The following SPIRE1 variants were observed in gnomAD, a reference collection of about 807,000 sequenced individuals.
SPIRE1 encodes spire type actin nucleation factor 1.
SPIRE1 carries 40 observed loss-of-function variants against 94.1 expected under a neutral mutation model. The observed-to-expected ratio is 0.43, with a 90% CI of 0.33 to 0.55. The LOEUF is 0.55. Ranked by LOEUF, SPIRE1 falls within the 20% of genes least tolerant of loss-of-function variation. The pLI is 0.06. For synonymous variants in SPIRE1, 376 were observed against 371.7 expected (o/e 1.01, Z -0.13); for missense variants, 838 against 975.2 (o/e 0.86, Z 1.87).
chr18:12,620,603 C>T (rs972773501), intron 2 of SPIRE1, among the ~76,000 whole-genome samples: 15 of 152,134 alleles, frequency 9.9e-5, no homozygotes, highest in Non-Finnish European at 1.3e-4. Flanking sequence ...GATATCCACA[C>T]ATAAAAGTAT....
At chr18:12,661,304 A>T (rs985378198), upstream of SPIRE1, 2 of 914,832 alleles carry the variant, frequency 2.2e-6, no homozygotes, top group Non-Finnish European at 2.6e-6. Flanking sequence ...GTGAGCCTTC[A>T]TCTCAAAAAA....
chr18:12,585,040 G>C (rs1204694853), intron 2 of SPIRE1, among the ~76,000 whole-genome samples: 1 of 152,054 alleles, frequency 6.6e-6, no homozygotes, highest in Non-Finnish European at 1.5e-5. Context: ...TCTTGACCTC[G>C]TGATCCGCCC....
chr18:12,453,082 A>C lies in SPIRE1; in HGVS notation c.1833T>G (p.Cys611Trp), dbSNP rs747329773. ...AAATACCTTACCTCTTACAGAACTG[A>C]CAGGTATAAGACCAAGTGAAGAAGG... The part of the protein sequence containing the change: ...RFSFFTWSYT[C>W]QFCKRPVCSQ... The change falls in exon 14 of 17, where the codon TGT (cysteine) becomes TGG (tryptophan). Residue 611 changes from cysteine (C) to tryptophan (W), a missense_variant. Around this residue, in one of 2 missense-constraint regions of SPIRE1, gnomAD observed 645 missense variants for 804.7 expected, o/e 0.80. Coordinates refer to ENST00000409402, the MANE Select transcript of SPIRE1 (RefSeq NM_001128626.2). 6.3e-7 allele frequency: 1 copy of C among 1,593,330 alleles called. No individual in the cohort carries two copies.
chr18:12,500,596 C>A (rs144662643), intron 6 of SPIRE1, among the ~76,000 whole-genome samples: 273 of 152,152 alleles, frequency 1.8e-3, no homozygotes, highest in African/African-American at 6.3e-3. Context: ...TATGATCCAG[C>A]CACTCCACTC....
At chr18:12,453,622 G>A (rs2031354437) in intron 13 of SPIRE1, among the ~76,000 whole-genome samples, 1 of 151,840 alleles carries the variant, frequency 6.6e-6, no homozygotes, top group Admixed American at 6.6e-5. Context: ...CTTTAGTAGA[G>A]ATGGGGTTTC....
chr18:12,607,596 T>TACACACAC lies in SPIRE1; in HGVS notation c.372+27458_372+27465dup, dbSNP rs34187168. On this transcript the variant is annotated intron_variant, in intron 2 of 16. Transcript: ENST00000409402. ...TTTAGGGTTTTCTACTCCACAGCAC[T>TACACACAC]ACACACACACACACACACACACACA... 5.6e-3 allele frequency among the ~76,000 whole-genome samples: 821 copies of TACACACAC among 146,320 alleles called. 8 individuals are homozygous for TACACACAC. Among genetic ancestry groups the TACACACAC allele is most frequent in the African/African-American group, 0.018 (690 of 38,926 alleles).
rs72877292 is a variant in SPIRE1, at chr18:12,570,115, G to A, written c.373-23211C>T. ...CATAATCAAGTCTTCCCATCACCAC[G>A]TTATTCCCCTTCATCCAGCCCCTCT... On this transcript the variant is annotated intron_variant, in intron 2 of 16. Transcript: ENST00000409402. Among the ~76,000 whole-genome samples the A allele has an allele frequency of 8.9e-4, 136 of 152,232 alleles. 1 individual carries two copies. Among genetic ancestry groups the A allele is most frequent in the Non-Finnish European group, 1.6e-3 (110 of 68,018 alleles).
intron 9 of SPIRE1, 85 bp from the exon 10 acceptor site, chr18:12,479,956 TACAAA>T: frequency 7.5e-7 from 1 of 1,330,196 alleles, no homozygotes. Flanking sequence ...GAGCATTTCA[TACAAA>T]AACACAGAGG....
At position 12,549,436 on chromosome 18, in the gene SPIRE1, G is replaced by GTTTTTTTTTTTTTTTTTTTT. The variant is rs1345452411; in HGVS notation, c.373-2533_373-2532insAAAAAAAAAAAAAAAAAAAA. ...TTGCTTTTTGTTTGTTTTTGTTATT[G>GTTTTTTTTTTTTTTTTTTTT]TTGTTTTTTTTTTTTTTTTTTTTTT... On this transcript the variant is annotated intron_variant, in intron 2 of 16. Coordinates refer to ENST00000409402, the MANE Select transcript of SPIRE1 (RefSeq NM_001128626.2). Among the ~76,000 whole-genome samples, 43 of 51,920 alleles carry GTTTTTTTTTTTTTTTTTTTT rather than the reference G, an allele frequency of 8.3e-4. 1 individual carries two copies. The highest frequency in any genetic ancestry group is 1.2e-3 in the Non-Finnish European group (31 of 26,826). 34.1% of individuals were successfully genotyped at this position (51,920 alleles called of 152,430 possible).
At chr18:12,546,314 G>C (rs1164530305) in intron 3 of SPIRE1, among the ~76,000 whole-genome samples, 1 of 151,810 alleles carries the variant, frequency 6.6e-6, no homozygotes, top group South Asian at 2.1e-4. Context: ...AATAAATGTA[G>C]ATATGTGTCA....
rs2030946860 is a variant in SPIRE1 at position 12,446,648 on chromosome 18, C to T, written c.*2990G>A. 6.6e-6 allele frequency: 1 copy of T among 152,152 alleles called. No individual in the cohort carries two copies. Among genetic ancestry groups the T allele is most frequent in the Admixed American group, 6.6e-5 (1 of 15,266 alleles). 9.4% of individuals were successfully genotyped at this position (152,152 alleles called of 1,614,324 possible). A position where few individuals can be genotyped will look rare whatever the true frequency, so the allele number is the denominator to read the frequency against. ...ACACGCAGGAAGCCTAGTAAAAGCC[C>T]CGTCAGTAGTACACATTTCTCTATG... On this transcript the variant is annotated 3_prime_UTR_variant, in exon 17 of 17. Transcript: ENST00000409402.
At chr18:12,550,327 C>T (rs2035312449) in intron 2 of SPIRE1, among the ~76,000 whole-genome samples, 1 of 152,118 alleles carries the variant, frequency 6.6e-6, no homozygotes, top group Non-Finnish European at 1.5e-5. Context: ...CTCAGGTATT[C>T]GTTTGGATAG....
chr18:12,605,683 T>G (rs1940975), intron 2 of SPIRE1, among the ~76,000 whole-genome samples: 85,086 of 152,004 alleles, frequency 0.56, 24,987 homozygotes, highest in Middle Eastern at 0.76. Flanking sequence ...AAACCTGTAT[T>G]TAATAACACA....
intron 1 of SPIRE1, among the ~76,000 whole-genome samples, chr18:12,648,164 C>T (rs768920287): frequency 3.9e-5 from 6 of 152,204 alleles, no homozygotes; most frequent in Non-Finnish European, 5.9e-5. Context: ...AAGATATTCA[C>T]GTCTCCAGGA....
At chr18:12,648,046 AG>A (rs2038272991) in intron 1 of SPIRE1, among the ~76,000 whole-genome samples, 2 of 152,208 alleles carry the variant, frequency 1.3e-5, no homozygotes, top group South Asian at 4.2e-4. Context: ...AAACAACCAA[AG>A]TACAAAATAC....
chr18:12,658,466 C>G (rs1318491769), upstream of SPIRE1: 3 of 438,126 alleles, frequency 6.8e-6, no homozygotes, highest in African/African-American at 4.1e-5. Flanking sequence ...AAGAGGGTGT[C>G]GCATTTATCA....
chr18:12,628,786 C>T (rs2037701097), intron 2 of SPIRE1, among the ~76,000 whole-genome samples: 1 of 151,986 alleles, frequency 6.6e-6, no homozygotes, highest in Admixed American at 6.6e-5. Context: ...AGTTGGATTC[C>T]TAGGTATTTT....
intron 3 of SPIRE1, among the ~76,000 whole-genome samples, chr18:12,540,184 C>T (rs1255064763): frequency 1.3e-5 from 2 of 152,152 alleles, no homozygotes; most frequent in Non-Finnish European, 2.9e-5. Flanking sequence ...CGTCATCTAG[C>T]TCACACCTAC....
chr18:12,554,283 G>A (rs60505421), intron 2 of SPIRE1, among the ~76,000 whole-genome samples: 48,999 of 136,738 alleles, frequency 0.36, 9,730 homozygotes, highest in East Asian at 0.59. Flanking sequence ...GGGCAACAGA[G>A]CAAGACTCTG....
Sources: gnomAD v4.1 joint callset for allele counts (sites outside exome capture counted in the v4.1 genomes callset) on GRCh38, gnomAD v4.1.1 for gene constraint, gnomAD v4.1.1 regional missense constraint, MANE v1.5 for transcripts, NCBI Gene and HGNC (gene_info 2026-07-23, HGNC 2026-07-21) for gene names.